Variants in AIFM3 observed in about 807,000 individuals in gnomAD.
AIFM3 encodes apoptosis-inducing factor 3.
Under a neutral mutation model 82.7 loss-of-function variants are expected in AIFM3, and 71 were observed. That is an observed-to-expected ratio of 0.86 (90% CI 0.71 to 1.05). The LOEUF (loss-of-function observed/expected upper bound fraction) is 1.05, where lower values mean the gene tolerates loss of function less well. Among genes scored for constraint, AIFM3 ranks in the 50% least tolerant of loss-of-function variants. The pLI, the probability that AIFM3 is intolerant of heterozygous loss-of-function variation, is 0.00. For synonymous variants in AIFM3, 337 were observed against 329.1 expected (o/e 1.02, Z -0.26); for missense variants, 748 against 816.7 (o/e 0.92, Z 1.03).
chr22:20,965,977 G>C (rs1444094193), upstream of AIFM3, among the ~76,000 whole-genome samples: 1 of 152,156 alleles, frequency 6.6e-6, no homozygotes, highest in Non-Finnish European at 1.5e-5. Context: ...GCACTCTGGG[G>C]GTCCCTCCTG....
At chr22:20,966,130 T>A (rs1403155930), upstream of AIFM3, among the ~76,000 whole-genome samples, 8 of 152,126 alleles carry the variant, frequency 5.3e-5, no homozygotes, top group Admixed American at 5.2e-4. Flanking sequence ...CCCTGGGTAC[T>A]CGGGAAGGGA....
rs768356394 is a variant in AIFM3, at chr22:20,979,377, C to T, written c.1576+8C>T. The T allele has an allele frequency of 4.3e-6, 5 of 1,160,228 alleles. No individual in the cohort carries two copies. Among genetic ancestry groups the T allele is most frequent in the Admixed American group, 6.2e-5 (2 of 32,284 alleles). 71.9% of individuals were successfully genotyped at this position (1,160,228 alleles called of 1,614,324 possible). ...AGAGCCTGCGCTACGCGGGTAACCC[C>T]GGGGCCTCGGATGGGGGCGGGGCCG... On this transcript the variant is annotated splice_region_variant and intron_variant, in intron 17 of 20. Transcript: ENST00000440238.
At chr22:20,972,012 C>T (rs1923299765) in intron 2 of AIFM3, among the ~76,000 whole-genome samples, 2 of 152,144 alleles carry the variant, frequency 1.3e-5, no homozygotes, top group African/African-American at 4.8e-5. Flanking sequence ...CATGCATTCC[C>T]ATGCTCAGGT....
intron 16 of AIFM3, 36 bp from the exon 17 acceptor site, chr22:20,979,235 C>T (rs770914695): frequency 3.2e-6 from 5 of 1,548,306 alleles, no homozygotes; most frequent in South Asian, 2.4e-5. Flanking sequence ...GTGGTAAGAG[C>T]GAGAGTTAGG....
intron 8 of AIFM3, 107 bp downstream of exon 8, chr22:20,974,923 C>T: frequency 2.3e-5 from 24 of 1,062,286 alleles, no homozygotes; most frequent in Non-Finnish European, 3.1e-5. Flanking sequence ...GCCCTCCCTG[C>T]TTATGCCAGG....
Position 20,978,028 on chromosome 22 carries a change from T to G in AIFM3, c.1477+23T>G, listed in dbSNP as rs750818695. ...AGGGTATGGCCAGTCCCGAGGCACATGGAGGGGTGGGAGGGAGTCTCAGGG... is the reference window on the plus strand; with the variant it reads ...AGGGTATGGCCAGTCCCGAGGCACAGGGAGGGGTGGGAGGGAGTCTCAGGG... On this transcript the variant is annotated intron_variant, in intron 16 of 20. Coordinates refer to ENST00000440238, the MANE Select transcript of AIFM3 (RefSeq NM_001386814.1). The G allele has an allele frequency of 1.7e-5, 27 of 1,610,230 alleles. No individual in the cohort carries two copies. The Admixed American group carries it at 3.0e-4, about 18-fold the overall frequency.
At chr22:20,977,208 T>C in intron 14 of AIFM3, 113 bp downstream of exon 14, 1 of 1,434,402 alleles carries the variant, frequency 7.0e-7, no homozygotes, top group Non-Finnish European at 9.5e-7. Context: ...CCACCACATC[T>C]GTCAAATGGG....
At chr22:20,973,228 C>T in intron 2 of AIFM3, 79 bp from the exon 3 acceptor site, 1 of 1,503,708 alleles carries the variant, frequency 6.7e-7, no homozygotes, top group Non-Finnish European at 9.0e-7. Flanking sequence ...CCCCGAGGAG[C>T]TGGCCTCTGC....
chr22:20,979,177 C>T lies in AIFM3; in HGVS notation c.1478-94C>T, dbSNP rs60591168. The T allele has an allele frequency of 3.5e-3, 4,405 of 1,246,466 alleles. 118 individuals carry two copies. The African/African-American group carries it at 0.058, about 16-fold the overall frequency. The allele number at this position is 1,246,466 out of a possible 1,614,324, so 77.2% of individuals were successfully genotyped here. On this transcript the variant is annotated intron_variant, in intron 16 of 20. Transcript: ENST00000440238. ...CCTCTGGGGAGACCAGGAGGAGTAGCCACACGTGTCAGGGGTCCCCAGGGC... is the reference window on the plus strand; with the variant it reads ...CCTCTGGGGAGACCAGGAGGAGTAGTCACACGTGTCAGGGGTCCCCAGGGC...
At chr22:20,978,428 C>T (rs536338289) in intron 16 of AIFM3, among the ~76,000 whole-genome samples, 6 of 152,080 alleles carry the variant, frequency 3.9e-5, no homozygotes, top group Non-Finnish European at 5.9e-5. Flanking sequence ...AGCCCAGAGA[C>T]GTGGGCTCAG....
In AIFM3 at chr22:20,974,710, C is replaced by G. The variant is rs779390732; in HGVS notation, c.614C>G (p.Ala205Gly). 5.6e-5 allele frequency: 91 copies of G among 1,613,940 alleles called. No individual in the cohort carries two copies. Among genetic ancestry groups the G allele is most frequent in the Non-Finnish European group, 4.5e-5 (53 of 1,179,992 alleles). The change falls in exon 8 of 21, where the codon GCT becomes GGT. Residue 205 changes from alanine to glycine, a missense_variant. Physicochemically the swap from Ala to Gly is moderately conservative, Grantham distance 60. Coordinates refer to ENST00000440238, the MANE Select transcript of AIFM3 (RefSeq NM_001386814.1). ...TNVLIVGAGA[A>G]GLVCAETLRQ... is the part of the protein sequence containing the mutation. ...CACGGGCCCCTCCCCTCAGGTGCAG[C>G]TGGCCTGGTGTGTGCAGAGACACTG...
intron 2 of AIFM3, among the ~76,000 whole-genome samples, chr22:20,972,229 C>T (rs965195251): frequency 3.3e-5 from 5 of 151,968 alleles, no homozygotes; most frequent in Non-Finnish European, 5.9e-5. Flanking sequence ...ACATGGAGCC[C>T]TGTCTCTACT....
At position 20,976,465 on chromosome 22, in the gene AIFM3, G is replaced by A. The variant is rs755902017; in HGVS notation, c.957G>A (p.Thr319=). The A allele has an allele frequency of 9.2e-5, 149 of 1,613,940 alleles. No individual in the cohort carries two copies. Among genetic ancestry groups the A allele is most frequent in the Admixed American group, 1.2e-4 (7 of 60,000 alleles). ...TGGAGAACGTGTTCACTATCCGGAC[G>A]CCAGAGGATGCCAATCGCGTGGTGA... ...KEVENVFTIR[T]PEDANRVVRL... is the part of the protein sequence containing the mutation. The change falls in exon 11 of 21, where the codon ACG becomes ACA. Residue 319 remains threonine (T), a synonymous_variant. Transcript: ENST00000440238.
Position 20,973,318 on chromosome 22 carries a change from A to G in AIFM3, c.43A>G (p.Ile15Val). The G allele has an allele frequency of 6.3e-7, 1 of 1,588,574 alleles. No homozygotes were observed. The highest frequency in any genetic ancestry group is 1.1e-5 in the South Asian group (1 of 87,810). Residue 15 changes from isoleucine to valine, a missense_variant, in exon 3 of 21, where the codon ATC becomes GTC. This residue lies in a region of AIFM3 where 17 missense variants were observed against 19.0 expected (regional missense o/e 0.89). Coordinates refer to ENST00000440238, the MANE Select transcript of AIFM3 (RefSeq NM_001386814.1). ...TGCCTTGCCCACAGTGGAGCTCAAG[A>G]TCGAGGTGGTGCTGCCTGAGAAGGA... ...FSKPKPVELKIEVVLPEKERG... is the reference protein window; with the variant it reads ...FSKPKPVELKVEVVLPEKERG...
chr22:20,971,151 CT>C (rs1458343335), intron 2 of AIFM3, among the ~76,000 whole-genome samples: 2 of 152,212 alleles, frequency 1.3e-5, no homozygotes, highest in Admixed American at 6.5e-5. Context: ...TCTGGCCCCC[CT>C]GCCAGGCTAT....
chr22:20,980,896 G>C (rs1924068483), intron 20 of AIFM3, 96 bp from the exon 21 acceptor site: 1 of 1,608,932 alleles, frequency 6.2e-7, no homozygotes, highest in Admixed American at 1.7e-5. Context: ...GCACAGAACA[G>C]ACCCCCTGCT....
chr22:20,980,393 A>G, intron 19 of AIFM3: 1 of 595,408 alleles, frequency 1.7e-6, no homozygotes, highest in Non-Finnish European at 3.0e-6. Flanking sequence ...GGCCCAATGC[A>G]TGGGCAATCA....
At chr22:20,973,189 G>T in intron 2 of AIFM3, 118 bp from the exon 3 acceptor site, 1 of 1,203,238 alleles carries the variant, frequency 8.3e-7, no homozygotes, top group Non-Finnish European at 1.2e-6. Flanking sequence ...TTCTGGGGAG[G>T]TTGCCAGGCA....
intron 7 of AIFM3, 29 bp from the exon 8 acceptor site, chr22:20,974,675 G>A: frequency 6.2e-7 from 1 of 1,613,806 alleles, no homozygotes; most frequent in Non-Finnish European, 8.5e-7. Flanking sequence ...GTGAGAAGTG[G>A]TTCCTGGCCC....
Sources: gnomAD v4.1 joint callset for allele counts (sites outside exome capture counted in the v4.1 genomes callset) on GRCh38, gnomAD v4.1.1 for gene constraint, gnomAD v4.1.1 regional missense constraint, MANE v1.5 for transcripts, NCBI Gene and HGNC (gene_info 2026-07-23, HGNC 2026-07-21) for gene names.